The following MAML2 variants were observed in gnomAD, a reference collection of about 807,000 sequenced individuals.
The protein encoded by MAML2 is mastermind-like protein 2.
In MAML2, 22 loss-of-function variants were observed where a neutral mutation model predicts 96.1. The ratio of observed to expected loss-of-function variants is 0.23; its 90% confidence interval spans 0.16 to 0.33. The LOEUF (loss-of-function observed/expected upper bound fraction) is 0.33. Ranked by LOEUF, MAML2 falls within the 10% of genes least tolerant of loss-of-function variation. MAML2 has a pLI of 1.00. For missense variants in MAML2, 1,367 were observed against 1,392.4 expected (o/e 0.98, Z 0.29); for synonymous variants, 561 against 521.3 (o/e 1.08, Z -1.04).
chr11:96,008,301 A>G (rs1299650922), intron 2 of MAML2, among the ~76,000 whole-genome samples: 1 of 152,112 alleles, frequency 6.6e-6, no homozygotes, highest in Non-Finnish European at 1.5e-5. Flanking sequence ...CTGTCCAGTG[A>G]TTTTTCAATT....
At chr11:96,217,622 G>A (rs1862069716) in intron 1 of MAML2, among the ~76,000 whole-genome samples, 1 of 152,210 alleles carries the variant, frequency 6.6e-6, no homozygotes, top group South Asian at 2.1e-4. Flanking sequence ...AGACAGGACA[G>A]AGAAGCTTGT....
chr11:96,033,554 T>TGTACA (rs1343477063), intron 2 of MAML2, among the ~76,000 whole-genome samples: 1 of 152,234 alleles, frequency 6.6e-6, no homozygotes, highest in African/African-American at 2.4e-5. Context: ...TGTACTAGAC[T>TGTACA]TGACGCACTG....
At chr11:96,226,528 G>A (rs1344519975) in intron 1 of MAML2, among the ~76,000 whole-genome samples, 1 of 152,154 alleles carries the variant, frequency 6.6e-6, no homozygotes, top group African/African-American at 2.4e-5. Context: ...AGCTGCTCTA[G>A]AGGAAAGATT....
At chr11:96,014,395 C>T (rs570017948) in intron 2 of MAML2, among the ~76,000 whole-genome samples, 66 of 152,236 alleles carry the variant, frequency 4.3e-4, no homozygotes, top group Admixed American at 2.9e-3. Context: ...ATCAAAGCAG[C>T]CTGAGAGGAA....
chr11:96,144,410 G>A (rs901963824), intron 1 of MAML2, among the ~76,000 whole-genome samples: 2 of 152,178 alleles, frequency 1.3e-5, no homozygotes, highest in African/African-American at 2.4e-5. Context: ...GGGGAGAAGA[G>A]GGAGGCAGGT....
chr11:96,025,851 G>A (rs910999935), intron 2 of MAML2, among the ~76,000 whole-genome samples: 4 of 146,306 alleles, frequency 2.7e-5, no homozygotes, highest in African/African-American at 8.3e-5. Context: ...ATAAGCCACC[G>A]CGCCCAGCCA....
At position 95,991,737 on chromosome 11, in the gene MAML2, AG is replaced by A. The variant is rs763600445; in HGVS notation, c.2140-15del. ...AGAGTGTTGATCCTAAAGAAGAGAA[AG>A]GGGGAAGGAAAAGCTACTGTGAATT... On this transcript the variant is annotated splice_polypyrimidine_tract_variant and intron_variant, in intron 2 of 4. Coordinates refer to ENST00000524717, the MANE Select transcript of MAML2 (RefSeq NM_032427.4). 3 of 1,607,130 alleles carry A rather than the reference AG, an allele frequency of 1.9e-6. No homozygotes were observed. The highest frequency in any genetic ancestry group is 1.3e-5 in the African/African-American group (1 of 74,732).
At position 96,304,934 on chromosome 11, in the gene MAML2, A is replaced by G. The variant is rs192095006; in HGVS notation, c.513+36449T>C. Among the ~76,000 whole-genome samples the G allele has an allele frequency of 9.1e-4, 139 of 152,342 alleles. 1 individual carries two copies. Among genetic ancestry groups the G allele is most frequent in the African/African-American group, 3.1e-3 (131 of 41,588 alleles). On this transcript the variant is annotated intron_variant, in intron 1 of 4. Coordinates refer to ENST00000524717, the MANE Select transcript of MAML2 (RefSeq NM_032427.4). ...CTATTGAAAAATTCCGAAGTCCTAT[A>G]AAGATACAATTCTCTTGACTGAGAA...
At chr11:96,081,420 G>GT (rs1369552833) in intron 2 of MAML2, among the ~76,000 whole-genome samples, 1 of 151,964 alleles carries the variant, frequency 6.6e-6, no homozygotes, top group Non-Finnish European at 1.5e-5. Flanking sequence ...TGTCCATCAA[G>GT]TTACCTAATT....
intron 2 of MAML2, among the ~76,000 whole-genome samples, chr11:96,055,696 A>G (rs866151287): frequency 9.9e-5 from 15 of 152,232 alleles, no homozygotes; most frequent in Admixed American, 2.6e-4. Flanking sequence ...AGAGACAGAG[A>G]CAAAGAAACA....
intron 2 of MAML2, among the ~76,000 whole-genome samples, chr11:96,034,694 T>C (rs1000650310): frequency 1.3e-5 from 2 of 152,176 alleles, no homozygotes; most frequent in South Asian, 4.1e-4. Flanking sequence ...TATTGAGCAT[T>C]CAAAATCATT....
intron 1 of MAML2, among the ~76,000 whole-genome samples, chr11:96,118,828 G>A (rs7115372): frequency 0.92 from 140,307 of 152,176 alleles, 64,731 homozygotes; most frequent in East Asian, 1. Context: ...CCTTGTCATA[G>A]TATTTCTACA....
rs150957418 is a variant in MAML2, at chr11:96,321,533, C to A, written c.513+19850G>T. Among the ~76,000 whole-genome samples, 494 of 152,258 alleles carry A rather than the reference C, an allele frequency of 3.2e-3. 4 individuals are homozygous for A. The highest frequency in any genetic ancestry group is 0.011 in the African/African-American group (466 of 41,536). On this transcript the variant is annotated intron_variant, in intron 1 of 4. Coordinates refer to ENST00000524717, the MANE Select transcript of MAML2 (RefSeq NM_032427.4). ...ATTCTTTTTCAAGGTCCTCAGACAT[C>A]AATAATCCATCAGTGCATGTACAAG...
At chr11:96,302,507 CATA>C (rs1863399316) in intron 1 of MAML2, among the ~76,000 whole-genome samples, 2 of 152,150 alleles carry the variant, frequency 1.3e-5, no homozygotes, top group Non-Finnish European at 2.9e-5. Flanking sequence ...GGATCCAAGA[CATA>C]CTAAAGAAAC....
intron 2 of MAML2, among the ~76,000 whole-genome samples, chr11:96,083,588 T>C (rs1472465904): frequency 6.6e-6 from 1 of 152,196 alleles, no homozygotes; most frequent in African/African-American, 2.4e-5. Context: ...AGACTTGGTA[T>C]GGAGGAAGGT....
At chr11:96,303,732 C>A (rs556539252) in intron 1 of MAML2, among the ~76,000 whole-genome samples, 1 of 152,200 alleles carries the variant, frequency 6.6e-6, no homozygotes, top group Admixed American at 6.5e-5. Flanking sequence ...AAAATGAGTT[C>A]TTAAGGGGCA....
chr11:96,202,785 C>T (rs535889042), intron 1 of MAML2, among the ~76,000 whole-genome samples: 4 of 152,096 alleles, frequency 2.6e-5, no homozygotes, highest in Non-Finnish European at 1.5e-5. Flanking sequence ...CATGCCACCA[C>T]GCCTGGCTAA....
chr11:96,099,718 A>G (rs948488963), intron 1 of MAML2, among the ~76,000 whole-genome samples: 1 of 152,188 alleles, frequency 6.6e-6, no homozygotes, highest in African/African-American at 2.4e-5. Context: ...GAATATTTTC[A>G]TACCAAATTC....
intron 1 of MAML2, among the ~76,000 whole-genome samples, chr11:96,159,748 C>T (rs1039957092): frequency 2.6e-5 from 4 of 152,116 alleles, no homozygotes; most frequent in African/African-American, 9.7e-5. Context: ...TTAAACTTCA[C>T]GGAGAATCTG....
Sources: gnomAD v4.1 joint callset for allele counts (sites outside exome capture counted in the v4.1 genomes callset) on GRCh38, gnomAD v4.1.1 for gene constraint, MANE v1.5 for transcripts, NCBI Gene and HGNC (gene_info 2026-07-23, HGNC 2026-07-21) for gene names.